CUX1: variants seen among roughly 807,000 people sequenced by gnomAD.
CUX1 encodes protein CASP.
Under a neutral mutation model 158.8 loss-of-function variants are expected in CUX1, and 31 were observed. That is an observed-to-expected ratio of 0.20 (90% confidence interval 0.15 to 0.26). The LOEUF is 0.26. Ranked by LOEUF, CUX1 falls within the 10% of genes least tolerant of loss-of-function variation. The probability of loss-of-function intolerance (pLI) is 1.00; values close to 1 mark genes in which losing one functional copy is unlikely to be tolerated. For synonymous variants in CUX1, 879 were observed against 862.1 expected (o/e 1.02, Z -0.34); for missense variants, 1,589 against 2,014.6 (o/e 0.79, Z 4.04).
chr7:102,189,541 G>A (rs1348263263), intron 11 of CUX1, among the ~76,000 whole-genome samples: 5 of 152,096 alleles, frequency 3.3e-5, no homozygotes, highest in East Asian at 3.9e-4. Context: ...AATTACAGGC[G>A]TGAGCCACCA....
At chr7:102,184,396 C>T (rs572175981) in intron 11 of CUX1, among the ~76,000 whole-genome samples, 65 of 152,320 alleles carry the variant, frequency 4.3e-4, no homozygotes, top group African/African-American at 1.3e-3. Flanking sequence ...TCTTTTCCAT[C>T]GTATTATTAC....
chr7:102,187,042 G>C (rs1287796758), intron 11 of CUX1: 1 of 151,334 alleles, frequency 6.6e-6, no homozygotes, highest in Admixed American at 6.6e-5. Context: ...AAAAAAAAAA[G>C]ACTCTTATGG....
At position 102,202,077 on chromosome 7, in the gene CUX1, T is replaced by C. The variant is rs879949177; in HGVS notation, c.2780T>C (p.Val927Ala). 1 of 1,612,982 alleles carries C rather than the reference T, an allele frequency of 6.2e-7. No homozygotes were observed. Among genetic ancestry groups the C allele is most frequent in the Non-Finnish European group, 8.5e-7 (1 of 1,179,778 alleles). The change falls in exon 18 of 24, where the codon GTC becomes GCC. Residue 927 changes from valine (V) to alanine (A), a missense_variant. Physicochemically the swap from Val to Ala is moderately conservative, Grantham distance 64. Transcript: ENST00000292535. Reference protein sequence around the residue: ...VPMSKPTKPSVPPLTPEQYEV... With the variant: ...VPMSKPTKPSAPPLTPEQYEV... ...ATGTCCAAGCCCACCAAGCCCTCGGTCCCCCCGCTGACCCCCGAGCAGTAC... is the reference window on the plus strand; with the variant it reads ...ATGTCCAAGCCCACCAAGCCCTCGGCCCCCCCGCTGACCCCCGAGCAGTAC...
intron 19 of CUX1, among the ~76,000 whole-genome samples, chr7:102,280,317 C>G (rs1024843809): frequency 2.6e-5 from 4 of 152,200 alleles, no homozygotes; most frequent in African/African-American, 4.8e-5. Context: ...AGGAGCCCCC[C>G]CAAGACAGCC....
In CUX1 at chr7:102,229,682, A is replaced by G. The variant is rs961357566; in HGVS notation, c.3433+2013A>G. On this transcript the variant is annotated intron_variant, in intron 21 of 23. Coordinates refer to ENST00000292535, the MANE Select transcript of CUX1 (RefSeq NM_181552.4). ...ACTCAGGCTGGAGTGCAGTGGCACA[A>G]TCGCGGCTCACTATAATCACTGCCT... Among the ~76,000 whole-genome samples the G allele has an allele frequency of 7.7e-5, 11 of 143,272 alleles. No individual in the cohort carries two copies. The East Asian group carries it at 1.9e-3, about 24-fold the overall frequency. 94.0% of individuals were successfully genotyped at this position (143,272 alleles called of 152,430 possible).
intron 8 of CUX1, among the ~76,000 whole-genome samples, chr7:102,123,473 G>A (rs1291144780): frequency 1.3e-5 from 2 of 151,634 alleles, no homozygotes; most frequent in Non-Finnish European, 2.9e-5. Context: ...GCCAGGCGTG[G>A]TGGCGGGTGC....
intron 4 of CUX1, among the ~76,000 whole-genome samples, chr7:102,076,814 ACTTG>A (rs1826780130): frequency 1.3e-5 from 2 of 152,024 alleles, no homozygotes; most frequent in African/African-American, 4.8e-5. Context: ...TACCTGAATT[ACTTG>A]AGCCCAGGGG....
chr7:102,070,484 C>T (rs995576021), intron 4 of CUX1, 67 bp downstream of exon 4: 4 of 1,244,722 alleles, frequency 3.2e-6, no homozygotes, highest in South Asian at 2.6e-5. Flanking sequence ...GGGTTTTTGG[C>T]TCATTCTTCT....
intron 21 of CUX1, 60 bp from the exon 22 acceptor site, chr7:102,233,992 G>T (rs544155644): frequency 2.2e-6 from 3 of 1,334,018 alleles, no homozygotes; most frequent in African/African-American, 1.5e-5. Context: ...ACACGTACTT[G>T]TCCCTTCAGA....
chr7:102,195,657 G>T, intron 14 of CUX1, 54 bp downstream of exon 14: 1 of 1,480,826 alleles, frequency 6.8e-7, no homozygotes, highest in Admixed American at 2.0e-5. Context: ...TCCAGGGGTC[G>T]GTCGAGGACG....
chr7:102,280,225 T>C (rs1554548885), intron 19 of CUX1: 1 of 712,130 alleles, frequency 1.4e-6, no homozygotes, highest in African/African-American at 1.8e-5. Flanking sequence ...CGGCCTTCCC[T>C]GGCTCCCCTC....
At chr7:102,033,609 A>C (rs1821052296) in intron 3 of CUX1, among the ~76,000 whole-genome samples, 1 of 152,236 alleles carries the variant, frequency 6.6e-6, no homozygotes, top group African/African-American at 2.4e-5. Context: ...TGTAACTACC[A>C]AAATTGATTA....
intron 6 of CUX1, among the ~76,000 whole-genome samples, chr7:102,110,472 G>GT (rs1194465351): frequency 6.6e-6 from 1 of 152,110 alleles, no homozygotes; most frequent in African/African-American, 2.4e-5. Flanking sequence ...GTTAGTTCAT[G>GT]TTACGCTCTA....
chr7:102,020,933 G>T (rs1819264569), intron 2 of CUX1, among the ~76,000 whole-genome samples: 1 of 151,960 alleles, frequency 6.6e-6, no homozygotes, highest in Non-Finnish European at 1.5e-5. Context: ...GAGGAGAGGG[G>T]AGAGGCAAGA....
intron 1 of CUX1, among the ~76,000 whole-genome samples, chr7:101,884,776 A>G (rs1302028526): frequency 6.6e-6 from 1 of 152,222 alleles, no homozygotes; most frequent in African/African-American, 2.4e-5. Context: ...ACTTTAATGG[A>G]TATTTACACA....
At chr7:102,166,792 A>T (rs1310842816) in intron 9 of CUX1, among the ~76,000 whole-genome samples, 1 of 151,738 alleles carries the variant, frequency 6.6e-6, no homozygotes, top group East Asian at 1.9e-4. Context: ...TGAGTTTTGT[A>T]TTTTTTTTCG....
intron 8 of CUX1, among the ~76,000 whole-genome samples, chr7:102,117,899 C>T (rs1017713935): frequency 6.6e-6 from 1 of 152,174 alleles, no homozygotes; most frequent in Non-Finnish European, 1.5e-5. Flanking sequence ...GGTCTGGACA[C>T]TGACAAAGGC....
rs1364964048 is a variant in CUX1 at position 101,981,729 on chromosome 7, G to A, written c.142-46369G>A. On this transcript the variant is annotated intron_variant, in intron 2 of 23. Transcript: ENST00000292535. ...TGGTTCAGGCGATTCTCCTGCCTCC[G>A]TCTCCTGAGTAGCTGGGATTACAGG... 6.6e-5 allele frequency among the ~76,000 whole-genome samples: 10 copies of A among 151,896 alleles called. No homozygotes were observed. The South Asian group carries it at 1.5e-3, about 22-fold the overall frequency.
chr7:102,108,412 C>T (rs1830583760), intron 6 of CUX1, among the ~76,000 whole-genome samples: 1 of 152,204 alleles, frequency 6.6e-6, no homozygotes, highest in Non-Finnish European at 1.5e-5. Context: ...GTCTCACAAT[C>T]TCAGCTCACT....
Sources: allele counts gnomAD v4.1 joint callset (sites outside exome capture counted in the v4.1 genomes callset), GRCh38; gene constraint gnomAD v4.1.1; transcripts MANE v1.5; gene names NCBI Gene and HGNC (gene_info 2026-07-23, HGNC 2026-07-21).